PPAT: variants seen among roughly 807,000 people sequenced by gnomAD.
The protein encoded by PPAT is phosphoribosyl pyrophosphate amidotransferase, also known as amidophosphoribosyltransferase.
In PPAT, 20 loss-of-function variants were observed where a neutral mutation model predicts 60.2. The ratio of observed to expected loss-of-function variants is 0.33; its 90% confidence interval spans 0.23 to 0.48. The LOEUF is 0.48. PPAT is among the 20% of genes least tolerant of loss of function. PPAT has a pLI of 0.99. For missense variants in PPAT, 349 were observed against 629.6 expected (o/e 0.55, Z 4.77); for synonymous variants, 194 against 215.1 (o/e 0.90, Z 0.86).
Position 56,435,516 on chromosome 4 carries a change from G to A in PPAT, c.-39C>T, listed in dbSNP as rs1018678364. 6.2e-7 allele frequency: 1 copy of A among 1,612,310 alleles called. No homozygotes were observed. The highest frequency in any genetic ancestry group is 2.2e-5 in the East Asian group (1 of 44,864). ...GCACGTGGAAGGACCTGCCGCTGCG[G>A]CCAAGGTGTAAGCACCAACCAGCTG... On this transcript the variant is annotated 5_prime_UTR_variant, in exon 1 of 11. Transcript: ENST00000264220.
Position 56,393,910 on chromosome 4 carries a change from T to C in PPAT, c.*1442A>G, listed in dbSNP as rs181233999. The stretch of plus-strand genomic sequence containing the variant: ...ACTGCCACAGGGTTATCTGACCCAC[T>C]GCTGCATGTGGGCTTAAAGAGCTGT... On this transcript the variant is annotated 3_prime_UTR_variant, in exon 11 of 11. Transcript: ENST00000264220. 5.5e-4 allele frequency: 84 copies of C among 152,344 alleles called. No homozygotes were observed. Among genetic ancestry groups the C allele is most frequent in the African/African-American group, 1.8e-3 (75 of 41,570 alleles). The allele number at this position is 152,344 out of a possible 1,614,324, so 9.4% of individuals were successfully genotyped here.
At chr4:56,421,429 C>G (rs1248229965) in intron 1 of PPAT, 1 of 152,396 alleles carries the variant, frequency 6.6e-6, no homozygotes, top group African/African-American at 2.4e-5. Context: ...CCCCTCACCC[C>G]CTGGTCCATG....
rs1364142673 is a variant in PPAT at position 56,407,733 on chromosome 4, AT to A, written c.129-18del. 1.3e-6 allele frequency: 2 copies of A among 1,575,876 alleles called. No individual in the cohort carries two copies. The highest frequency in any genetic ancestry group is 1.7e-5 in the Admixed American group (1 of 59,910). On this transcript the variant is annotated intron_variant, in intron 1 of 10. Transcript: ENST00000264220. ...TCCTGACCCCTGTGAATATAAAAAG[AT>A]ATTAGCTGTTAAATCTGCCAATTGA...
At chr4:56,402,820 C>CAAAAAAAA (rs556899549) in intron 5 of PPAT, among the ~76,000 whole-genome samples, 9 of 44,038 alleles carry the variant, frequency 2.0e-4, no homozygotes, top group African/African-American at 7.4e-4. Flanking sequence ...ACTCGGTCTC[C>CAAAAAAAA]AAAAAAAAAA....
intron 1 of PPAT, among the ~76,000 whole-genome samples, chr4:56,417,553 G>A (rs1033578967): frequency 2.1e-4 from 32 of 152,256 alleles, no homozygotes; most frequent in African/African-American, 7.7e-4. Context: ...AGGCCAAGGT[G>A]CGGGATCACT....
At chr4:56,422,516 T>TGTGA (rs1435180000) in intron 1 of PPAT, 2 of 138,334 alleles carry the variant, frequency 1.4e-5, no homozygotes, top group African/African-American at 5.5e-5. Context: ...TGTGTGTGTG[T>TGTGA]GACAAAGTAT....
intron 9 of PPAT, among the ~76,000 whole-genome samples, chr4:56,398,965 T>C (rs1716049484): frequency 6.6e-6 from 1 of 152,062 alleles, no homozygotes; most frequent in Non-Finnish European, 1.5e-5. Context: ...AGCTTTTATA[T>C]TGAGCTTTTT....
rs1717863267 is a variant in PPAT, at chr4:56,435,544, A to G, written c.-67T>C. 1.2e-6 allele frequency: 2 copies of G among 1,608,884 alleles called. No homozygotes were observed. The highest frequency in any genetic ancestry group is 1.7e-6 in the Non-Finnish European group (2 of 1,177,832). On this transcript the variant is annotated 5_prime_UTR_variant, in exon 1 of 11. Transcript: ENST00000264220. ...AAGGTGTAAGCACCAACCAGCTGCCAGCTCGGCCCGTCGAGCTCAGAAGCT... is the reference window on the plus strand; with the variant it reads ...AAGGTGTAAGCACCAACCAGCTGCCGGCTCGGCCCGTCGAGCTCAGAAGCT...
Position 56,406,671 on chromosome 4 carries a change from CA to C in PPAT, c.225del (p.Glu76LysfsTer4). The C allele has an allele frequency of 6.2e-7, 1 of 1,612,084 alleles. No homozygotes were observed. The highest frequency in any genetic ancestry group is 1.3e-5 in the African/African-American group (1 of 74,954). ...ACATATAATTTTTTCAAATTGTCTT[CA>C]GTAAAGACGTGATTTACAAGACCCA... ...KGMGLVNHVFTEDNLKKLYVS... is the reference protein window; with the variant it reads ...KGMGLVNHVFXEDNLKKLYVS... On this transcript the variant is annotated frameshift_variant, in exon 3 of 11. Transcript: ENST00000264220. LOFTEE classifies it high-confidence loss of function.
chr4:56,417,104 C>A (rs1368585473), intron 1 of PPAT, among the ~76,000 whole-genome samples: 1 of 152,206 alleles, frequency 6.6e-6, no homozygotes, highest in Non-Finnish European at 1.5e-5. Flanking sequence ...CCGCCTCGGC[C>A]TCCCAAATTG....
intron 1 of PPAT, among the ~76,000 whole-genome samples, chr4:56,425,703 G>A (rs1717248715): frequency 2.0e-5 from 3 of 152,136 alleles, no homozygotes; most frequent in Admixed American, 1.3e-4. Context: ...CAGGATAGGG[G>A]GTAGTCACCG....
chr4:56,395,577 A>G (rs901728762), intron 10 of PPAT, 29 bp from the exon 11 acceptor site: 38 of 1,460,848 alleles, frequency 2.6e-5, no homozygotes, highest in Admixed American at 1.9e-4. Context: ...ATAAAAATGT[A>G]ATAAGAATTC....
In PPAT at chr4:56,395,562, G is replaced by C. The variant is rs1715949480; in HGVS notation, c.1358-14C>G. 1 of 1,493,622 alleles carries C rather than the reference G, an allele frequency of 6.7e-7. No individual in the cohort carries two copies. The highest frequency in any genetic ancestry group is 8.9e-7 in the Non-Finnish European group (1 of 1,126,648). 92.5% of individuals were successfully genotyped at this position (1,493,622 alleles called of 1,614,324 possible). ...CACTGTTTGCTCCTAAAGAAAGAGG[G>C]AAAAATAAAAATGTAATAAGAATTC... On this transcript the variant is annotated splice_polypyrimidine_tract_variant and intron_variant, in intron 10 of 10. Coordinates refer to ENST00000264220, the MANE Select transcript of PPAT (RefSeq NM_002703.5).
At chr4:56,406,999 A>C (rs776591256) in intron 2 of PPAT, among the ~76,000 whole-genome samples, 1 of 152,260 alleles carries the variant, frequency 6.6e-6, no homozygotes, top group Non-Finnish European at 1.5e-5. Context: ...CTTGTGTTTC[A>C]TAAGATACTA....
At position 56,418,127 on chromosome 4, in the gene PPAT, G is replaced by A. The variant is rs150141870; in HGVS notation, c.129-10411C>T. On this transcript the variant is annotated intron_variant, in intron 1 of 10. Coordinates refer to ENST00000264220, the MANE Select transcript of PPAT (RefSeq NM_002703.5). ...GCTGGGATTACAGGCGTGAGCCACC[G>A]CACCTGGCTGAAGATTATTTTTAAT... Among the ~76,000 whole-genome samples the A allele has an allele frequency of 2.6e-3, 396 of 151,198 alleles. 3 individuals carry two copies. Among genetic ancestry groups the A allele is most frequent in the African/African-American group, 9.2e-3 (378 of 41,156 alleles).
At chr4:56,408,545 G>C (rs1032538912) in intron 1 of PPAT, among the ~76,000 whole-genome samples, 2 of 150,794 alleles carry the variant, frequency 1.3e-5, no homozygotes, top group African/African-American at 2.4e-5. Flanking sequence ...ACGAGGTCAG[G>C]AGATCGAGAC....
At chr4:56,406,081 C>A (rs1481434302) in intron 3 of PPAT, among the ~76,000 whole-genome samples, 2 of 152,104 alleles carry the variant, frequency 1.3e-5, no homozygotes, top group African/African-American at 2.4e-5. Flanking sequence ...GTATAAGAAA[C>A]CCCCCTATTT....
intron 1 of PPAT, chr4:56,428,794 T>C (rs1172009686): frequency 1.3e-5 from 2 of 156,378 alleles, no homozygotes; most frequent in Non-Finnish European, 2.8e-5. Context: ...CTAAACCTTG[T>C]ACCAAAATAT....
intron 1 of PPAT, among the ~76,000 whole-genome samples, chr4:56,431,761 A>G (rs969022685): frequency 6.6e-6 from 1 of 152,208 alleles, no homozygotes; most frequent in Non-Finnish European, 1.5e-5. Context: ...TAGTCTCCAT[A>G]AAATGTGACT....
Sources: gnomAD v4.1 joint callset for allele counts (sites outside exome capture counted in the v4.1 genomes callset) on GRCh38, gnomAD v4.1.1 for gene constraint, MANE v1.5 for transcripts, NCBI Gene and HGNC (gene_info 2026-07-23, HGNC 2026-07-21) for gene names.